Variants in PRPF4 observed in about 807,000 individuals in gnomAD.
The protein encoded by PRPF4 is pre-mRNA splicing tri-snRNP complex factor PRPF4.
Under a neutral mutation model 72.2 loss-of-function variants are expected in PRPF4, and 14 were observed. That is an observed-to-expected ratio of 0.19 (90% CI 0.13 to 0.30). The LOEUF (loss-of-function observed/expected upper bound fraction) is 0.30, where lower values mean the gene tolerates loss of function less well. Ranked by LOEUF, PRPF4 falls within the 10% of genes least tolerant of loss-of-function variation. The pLI is 1.00. For missense variants in PRPF4, 478 were observed against 653.9 expected (o/e 0.73, Z 2.93); for synonymous variants, 225 against 232.2 (o/e 0.97, Z 0.28).
At chr9:113,281,154 C>T (rs750255105) in intron 3 of PRPF4, among the ~76,000 whole-genome samples, 2 of 152,118 alleles carry the variant, frequency 1.3e-5, no homozygotes, top group African/African-American at 4.8e-5. Flanking sequence ...CTACCGCGCC[C>T]GGCCTTTCTT....
chr9:113,285,335 C>T (rs1832403412), intron 7 of PRPF4, among the ~76,000 whole-genome samples: 1 of 108,852 alleles, frequency 9.2e-6, no homozygotes, highest in Non-Finnish European at 1.8e-5. Flanking sequence ...GAGACCCTGT[C>T]TCTACAAATT....
In PRPF4 at chr9:113,276,491, A is replaced by C; in HGVS notation, c.28-57A>C. The C allele has an allele frequency of 4.4e-6, 7 of 1,584,944 alleles. No individual in the cohort carries two copies. In the South Asian group the frequency reaches 7.7e-5, roughly 18 times the overall value. On this transcript the variant is annotated intron_variant, in intron 1 of 13. Transcript: ENST00000374198. ...CAGGGTGAGCTTCATCCTCTGGTGA[A>C]GTCCGGTAAATTGCCAAGATTAAAC...
chr9:113,286,511 A>G (rs1255248719), intron 8 of PRPF4, among the ~76,000 whole-genome samples, 194 bp from the exon 9 acceptor site: 1 of 152,224 alleles, frequency 6.6e-6, no homozygotes, highest in Non-Finnish European at 1.5e-5. Flanking sequence ...CTCTAAACCA[A>G]AAACCAAAAT....
chr9:113,278,207 T>C (rs1439576989), intron 2 of PRPF4, among the ~76,000 whole-genome samples: 1 of 152,224 alleles, frequency 6.6e-6, no homozygotes, highest in Non-Finnish European at 1.5e-5. Flanking sequence ...TAATGAGAGG[T>C]CTACTATATT....
At chr9:113,278,773 T>C (rs1276114901) in intron 2 of PRPF4, among the ~76,000 whole-genome samples, 172 bp from the exon 3 acceptor site, 2 of 152,242 alleles carry the variant, frequency 1.3e-5, no homozygotes, top group Non-Finnish European at 2.9e-5. Flanking sequence ...TGAAGCTGTG[T>C]CATTTAGGTT....
At chr9:113,291,167 C>G (rs1459034646) in intron 13 of PRPF4, 151 bp downstream of exon 13, 3 of 859,090 alleles carry the variant, frequency 3.5e-6, no homozygotes, top group Non-Finnish European at 5.6e-6. Flanking sequence ...TTCCTTCCCT[C>G]TGCCATACCC....
intron 7 of PRPF4, among the ~76,000 whole-genome samples, chr9:113,285,525 C>T (rs1415347926): frequency 4.0e-5 from 6 of 150,554 alleles, no homozygotes; most frequent in African/African-American, 1.5e-4. Context: ...ACTACAGGCA[C>T]CCGCCACCGC....
intron 7 of PRPF4, among the ~76,000 whole-genome samples, chr9:113,285,663 C>A (rs1667825155): frequency 6.6e-6 from 1 of 151,640 alleles, no homozygotes; most frequent in Admixed American, 6.6e-5. Flanking sequence ...CAGGTGTGAG[C>A]CACAGCGCCT....
At chr9:113,285,629 T>C (rs189973437) in intron 7 of PRPF4, among the ~76,000 whole-genome samples, 297 of 151,676 alleles carry the variant, frequency 2.0e-3, no homozygotes, top group African/African-American at 6.0e-3. Flanking sequence ...CTGCCCGCCT[T>C]GGCCTCCCAA....
chr9:113,282,885 T>G, intron 4 of PRPF4, 152 bp downstream of exon 4: 1 of 980,988 alleles, frequency 1.0e-6, no homozygotes, highest in South Asian at 1.7e-5. Flanking sequence ...GGCAGTAGTT[T>G]TGGTTCCTTT....
chr9:113,276,814 A>C (rs945850216), intron 2 of PRPF4, 89 bp downstream of exon 2: 88 of 1,442,572 alleles, frequency 6.1e-5, no homozygotes, highest in Admixed American at 1.8e-4. Flanking sequence ...AATGTCAAAA[A>C]ATTACAATTT....
At position 113,276,661 on chromosome 9, in the gene PRPF4, T is replaced by C. The variant is rs752490680; in HGVS notation, c.141T>C (p.Ser47=). 3 of 1,614,090 alleles carry C rather than the reference T, an allele frequency of 1.9e-6. No individual in the cohort carries two copies. The highest frequency in any genetic ancestry group is 2.5e-6 in the Non-Finnish European group (3 of 1,180,016). Residue 47 remains serine, a synonymous_variant, in exon 2 of 14, where the codon TCT becomes TCC. Transcript: ENST00000374198. ...GGGAGCGTCTGGCCAAAGGAGAGTC[T>C]GGGATTTTGGGGAAAGACGGACTTA... The part of the protein sequence containing the change: ...KERERLAKGE[S]GILGKDGLKA...
At chr9:113,288,522 C>A (rs1832518181) in intron 10 of PRPF4, among the ~76,000 whole-genome samples, 1 of 151,774 alleles carries the variant, frequency 6.6e-6, no homozygotes, top group African/African-American at 2.4e-5. Flanking sequence ...CTGCAACCGC[C>A]GTCTCCCGGG....
chr9:113,281,632 G>A (rs1272651825), intron 3 of PRPF4, among the ~76,000 whole-genome samples: 4 of 151,958 alleles, frequency 2.6e-5, no homozygotes, highest in Non-Finnish European at 5.9e-5. Flanking sequence ...TATGTTCTAC[G>A]CTCCAGCCAT....
At chr9:113,277,153 T>C (rs1008970621) in intron 2 of PRPF4, among the ~76,000 whole-genome samples, 4 of 152,122 alleles carry the variant, frequency 2.6e-5, no homozygotes, top group African/African-American at 9.7e-5. Context: ...GGCTGTATTT[T>C]GCCTACCCCC....
chr9:113,286,595 A>T (rs1414362268), intron 8 of PRPF4, 110 bp from the exon 9 acceptor site: 1 of 1,307,016 alleles, frequency 7.7e-7, no homozygotes, highest in Non-Finnish European at 1.1e-6. Context: ...TCATGTTTTA[A>T]TAGTTGAATA....
chr9:113,282,316 A>T (rs1020424143), intron 3 of PRPF4, among the ~76,000 whole-genome samples: 7 of 152,074 alleles, frequency 4.6e-5, no homozygotes, highest in African/African-American at 1.7e-4. Flanking sequence ...CTACAGAAAA[A>T]TTTAAAAATT....
At chr9:113,278,091 GC>G (rs1172174431) in intron 2 of PRPF4, among the ~76,000 whole-genome samples, 1 of 152,194 alleles carries the variant, frequency 6.6e-6, no homozygotes, top group African/African-American at 2.4e-5. Flanking sequence ...TTTTAATACA[GC>G]TAAAAAGTAT....
intron 2 of PRPF4, among the ~76,000 whole-genome samples, chr9:113,277,830 A>G (rs561704816): frequency 7.9e-5 from 12 of 152,302 alleles, no homozygotes; most frequent in Non-Finnish European, 1.3e-4. Flanking sequence ...GTGATACCCC[A>G]TCTCTACAAA....
Sources: allele counts gnomAD v4.1 joint callset (sites outside exome capture counted in the v4.1 genomes callset), GRCh38; gene constraint gnomAD v4.1.1; transcripts MANE v1.5; gene names NCBI Gene and HGNC (gene_info 2026-07-23, HGNC 2026-07-21).